The following MFSD6 variants were observed in gnomAD, a reference collection of about 807,000 sequenced individuals.
MFSD6 encodes major facilitator superfamily domain-containing protein 6.
A neutral mutation model predicts 56.3 loss-of-function variants in MFSD6; 26 were observed. The observed-to-expected ratio is 0.46, with a 90% confidence interval of 0.34 to 0.64. The LOEUF (loss-of-function observed/expected upper bound fraction) is 0.64. MFSD6 is among the 30% of genes least tolerant of loss of function. The pLI is 0.01. For missense variants in MFSD6, 750 were observed against 986.2 expected (o/e 0.76, Z 3.21); for synonymous variants, 331 against 366.9 (o/e 0.90, Z 1.12).
chr2:190,478,373 G>A (rs1688463401), intron 4 of MFSD6, among the ~76,000 whole-genome samples: 1 of 152,042 alleles, frequency 6.6e-6, no homozygotes, highest in African/African-American at 2.4e-5. Flanking sequence ...TGAGTATTTT[G>A]ACTGCACAAC....
In MFSD6 at chr2:190,485,146, ACACT is replaced by A. The variant is rs1688939194; in HGVS notation, c.1631-3508_1631-3505del. 6.6e-6 allele frequency among the ~76,000 whole-genome samples: 1 copy of A among 152,224 alleles called. No individual in the cohort carries two copies. The highest frequency in any genetic ancestry group is 1.5e-5 in the Non-Finnish European group (1 of 68,024). On this transcript the variant is annotated intron_variant, in intron 4 of 7. Coordinates refer to ENST00000392328, the MANE Select transcript of MFSD6 (RefSeq NM_017694.4). This position sits in a 1 kb window ranked among gnomAD's most constrained non-coding sequence, Gnocchi z 5.1. Reference sequence around the variant, plus strand: ...TGGAAAATGCTTTAATTATCTTAGAACACTCAAAGTTTTAGAAAATGATTAGAAT... The same window carrying A: ...TGGAAAATGCTTTAATTATCTTAGAACAAAGTTTTAGAAAATGATTAGAAT...
Position 190,424,193 on chromosome 2 carries a change from TAAAA to T in MFSD6, c.-54+8782_-54+8785del, listed in dbSNP as rs1162886230. Reference sequence around the variant, plus strand: ...TGGATCATGGTATCGGTGTCAAGTCTAAAAACTCTGCCTAGCACTAGAGGCTAAA... The same window carrying T: ...TGGATCATGGTATCGGTGTCAAGTCTACTCTGCCTAGCACTAGAGGCTAAA... On this transcript the variant is annotated intron_variant, in intron 2 of 7. Coordinates refer to ENST00000392328, the MANE Select transcript of MFSD6 (RefSeq NM_017694.4). This position sits in a 1 kb window ranked among gnomAD's most constrained non-coding sequence, Gnocchi z 5.9. 3.3e-5 allele frequency among the ~76,000 whole-genome samples: 5 copies of T among 151,956 alleles called. No individual in the cohort carries two copies. The highest frequency in any genetic ancestry group is 7.4e-5 in the Non-Finnish European group (5 of 67,988).
intron 2 of MFSD6, among the ~76,000 whole-genome samples, chr2:190,428,332 T>A (rs538954698): frequency 2.6e-5 from 4 of 152,314 alleles, no homozygotes; most frequent in African/African-American, 9.6e-5. Context: ...AATATACATA[T>A]CTTTTGGTTG....
At position 190,457,255 on chromosome 2, in the gene MFSD6, C is replaced by T. The variant is rs1435068306; in HGVS notation, c.1533-12503C>T. ...GCCAACCGACTTTGTGGCCCCGGTC[C>T]ACCCCTGTGGCCCTCTCCTTCCTTG... On this transcript the variant is annotated intron_variant, in intron 3 of 7. Coordinates refer to ENST00000392328, the MANE Select transcript of MFSD6 (RefSeq NM_017694.4). The surrounding 1 kb of genome is among the most constrained non-coding windows in gnomAD (Gnocchi z 5.1). Among the ~76,000 whole-genome samples, 1 of 152,150 alleles carries T rather than the reference C, an allele frequency of 6.6e-6. No homozygotes were observed. The highest frequency in any genetic ancestry group is 2.4e-5 in the African/African-American group (1 of 41,438).
rs1052071761 is a variant in MFSD6 at position 190,497,712 on chromosome 2, C to T, written c.2165C>T (p.Pro722Leu). The T allele has an allele frequency of 2.5e-6, 4 of 1,613,194 alleles. No homozygotes were observed. The highest frequency in any genetic ancestry group is 3.4e-6 in the Non-Finnish European group (4 of 1,179,240). Residue 722 changes from proline (P) to leucine (L), a missense_variant, in exon 7 of 8, where the codon CCT becomes CTT. Around this residue, in one of 5 missense-constraint regions of MFSD6, gnomAD observed 172 missense variants for 203.9 expected, o/e 0.84. Coordinates refer to ENST00000392328, the MANE Select transcript of MFSD6 (RefSeq NM_017694.4). This position sits in a 1 kb window ranked among gnomAD's most constrained non-coding sequence, Gnocchi z 5.2. Reference protein sequence around the residue: ...TRDNRASEIQPLQGTNENREN... With the variant: ...TRDNRASEIQLLQGTNENREN... ...GACAACCGTGCTTCTGAGATACAGC[C>T]TTTACAGGTACAGTTCCTTTGCTGG... is the stretch of plus-strand genomic sequence containing the variant.
At chr2:190,470,600 A>C (rs1189254661) in intron 4 of MFSD6, among the ~76,000 whole-genome samples, 2 of 152,238 alleles carry the variant, frequency 1.3e-5, no homozygotes, top group Admixed American at 1.3e-4. Context: ...CCAGGCTACT[A>C]AATCATTAAT....
At position 190,494,251 on chromosome 2, in the gene MFSD6, C is replaced by T. The variant is rs555941582; in HGVS notation, c.1892-3188C>T. ...ACCTTTACATGCATAAACTGGAAAA[C>T]GCAGAGGAGATAAATTCCTTGAAAG... On this transcript the variant is annotated intron_variant, in intron 6 of 7. Transcript: ENST00000392328. This position sits in a 1 kb window ranked among gnomAD's most constrained non-coding sequence, Gnocchi z 5.7. Among the ~76,000 whole-genome samples, 7 of 151,942 alleles carry T rather than the reference C, an allele frequency of 4.6e-5. No individual in the cohort carries two copies. Among genetic ancestry groups the T allele is most frequent in the South Asian group, 2.1e-4 (1 of 4,814 alleles).
At position 190,423,436 on chromosome 2, in the gene MFSD6, T is replaced by C. The variant is rs1409917670; in HGVS notation, c.-54+8023T>C. Among the ~76,000 whole-genome samples, 1 of 152,258 alleles carries C rather than the reference T, an allele frequency of 6.6e-6. No individual in the cohort carries two copies. The highest frequency in any genetic ancestry group is 1.5e-5 in the Non-Finnish European group (1 of 68,048). ...TTCATTCTATAATTATCTGGAAATT[T>C]ATCCAGTTTATTGCATGTATCAATC... On this transcript the variant is annotated intron_variant, in intron 2 of 7. Transcript: ENST00000392328. The surrounding 1 kb of genome is among the most constrained non-coding windows in gnomAD (Gnocchi z 4.3).
At chr2:190,430,195 A>G (rs1389340064) in intron 2 of MFSD6, among the ~76,000 whole-genome samples, 1 of 146,696 alleles carries the variant, frequency 6.8e-6, no homozygotes, top group African/African-American at 2.5e-5. Flanking sequence ...TTATGGCTGC[A>G]TAGTCCTCAT....
At chr2:190,408,072 G>T (rs1231761019), upstream of MFSD6, among the ~76,000 whole-genome samples, 1 of 151,974 alleles carries the variant, frequency 6.6e-6, no homozygotes, top group Non-Finnish European at 1.5e-5. Flanking sequence ...CCTCCGGGCC[G>T]CCGGGGCGGG....
chr2:190,450,321 A>T (rs1317674030), intron 3 of MFSD6, among the ~76,000 whole-genome samples: 2 of 152,140 alleles, frequency 1.3e-5, no homozygotes, highest in African/African-American at 4.8e-5. Context: ...TCAGAAGCTT[A>T]CTTCATAGCA....
chr2:190,449,935 A>G (rs536291813), intron 3 of MFSD6, among the ~76,000 whole-genome samples: 7 of 152,168 alleles, frequency 4.6e-5, no homozygotes, highest in Non-Finnish European at 7.4e-5. Flanking sequence ...TAATGGGTGC[A>G]GCACACCAGC....
chr2:190,432,634 C>T (rs1219436286), intron 2 of MFSD6, among the ~76,000 whole-genome samples: 1 of 152,162 alleles, frequency 6.6e-6, no homozygotes, highest in Admixed American at 6.5e-5. Context: ...CCAGGCTGCT[C>T]TTGAACTCCT....
At position 190,436,756 on chromosome 2, in the gene MFSD6, A is replaced by C; in HGVS notation, c.727A>C (p.Asn243His). 1 of 1,614,202 alleles carries C rather than the reference A, an allele frequency of 6.2e-7. No homozygotes were observed. The change falls in exon 3 of 8, where the codon AAC becomes CAC. Residue 243 changes from asparagine to histidine, a missense_variant. Coordinates refer to ENST00000392328, the MANE Select transcript of MFSD6 (RefSeq NM_017694.4). This position sits in a 1 kb window ranked among gnomAD's most constrained non-coding sequence, Gnocchi z 5.3. ...ITNRMMDLTL[N>H]SSTATPVSPG... is the part of the protein sequence containing the mutation. ...TAACCGTATGATGGACTTGACTTTG[A>C]ACTCAAGCACAGCAACCCCTGTCTC...
Position 190,500,155 on chromosome 2 carries a change from T to C in MFSD6, c.2313T>C (p.Ser771=), listed in dbSNP as rs1689954858. Residue 771 remains serine, a synonymous_variant, in exon 8 of 8, where the codon AGT becomes AGC. Transcript: ENST00000392328. This position sits in a 1 kb window ranked among gnomAD's most constrained non-coding sequence, Gnocchi z 5.3. ...SQTQTSPAHP[S]VDPCTEESEE... Reference sequence around the variant, plus strand: ...CGCAGACCAGCCCCGCTCACCCCAGTGTGGACCCGTGCACAGAGGAGAGTG... The same window carrying C: ...CGCAGACCAGCCCCGCTCACCCCAGCGTGGACCCGTGCACAGAGGAGAGTG... The C allele has an allele frequency of 2.5e-6, 4 of 1,613,950 alleles. No homozygotes were observed. The highest frequency in any genetic ancestry group is 3.4e-6 in the Non-Finnish European group (4 of 1,180,008).
chr2:190,473,398 C>G (rs1574195376), intron 4 of MFSD6, among the ~76,000 whole-genome samples: 1 of 152,170 alleles, frequency 6.6e-6, no homozygotes, highest in East Asian at 1.9e-4. Flanking sequence ...GAAGATCTAC[C>G]AAGCAAATGG....
rs1182141487 is a variant in MFSD6 at position 190,467,192 on chromosome 2, C to G, written c.1533-2566C>G. Among the ~76,000 whole-genome samples the G allele has an allele frequency of 6.6e-6, 1 of 152,214 alleles. No homozygotes were observed. Among genetic ancestry groups the G allele is most frequent in the Non-Finnish European group, 1.5e-5 (1 of 68,042 alleles). On this transcript the variant is annotated intron_variant, in intron 3 of 7. Coordinates refer to ENST00000392328, the MANE Select transcript of MFSD6 (RefSeq NM_017694.4). This position sits in a 1 kb window ranked among gnomAD's most constrained non-coding sequence, Gnocchi z 5.5. ...TTAGACCACTGGTTCTCCACCCTGG[C>G]TCAGTAAGAGAACAACCTGGGGAAC... is the stretch of plus-strand genomic sequence containing the variant.
At chr2:190,460,406 C>T (rs570023473) in intron 3 of MFSD6, among the ~76,000 whole-genome samples, 4 of 152,256 alleles carry the variant, frequency 2.6e-5, no homozygotes, top group African/African-American at 9.6e-5. Flanking sequence ...TACATACACT[C>T]GCGTATGCAC....
At position 190,416,151 on chromosome 2, in the gene MFSD6, G is replaced by A. The variant is rs1690765654; in HGVS notation, c.-54+738G>A. Among the ~76,000 whole-genome samples, 1 of 152,136 alleles carries A rather than the reference G, an allele frequency of 6.6e-6. No individual in the cohort carries two copies. The highest frequency in any genetic ancestry group is 2.4e-5 in the African/African-American group (1 of 41,416). On this transcript the variant is annotated intron_variant, in intron 2 of 7. Coordinates refer to ENST00000392328, the MANE Select transcript of MFSD6 (RefSeq NM_017694.4). This position sits in a 1 kb window ranked among gnomAD's most constrained non-coding sequence, Gnocchi z 4.1. ...ATAAGTAGGAATCTGCTTCATGATG[G>A]CTGATAAGGTCTGAGGAACCTAAAT... is the stretch of plus-strand genomic sequence containing the variant.
Sources: allele counts gnomAD v4.1 joint callset (sites outside exome capture counted in the v4.1 genomes callset), GRCh38; gene constraint gnomAD v4.1.1; regional missense constraint gnomAD v4.1.1; non-coding constraint Gnocchi (gnomAD v3.1); transcripts MANE v1.5; gene names NCBI Gene and HGNC (gene_info 2026-07-23, HGNC 2026-07-21).